The following CSMD3 variants were observed in gnomAD, a reference collection of about 807,000 sequenced individuals.
CSMD3 encodes the protein CUB and Sushi multiple domains 3.
CSMD3 carries 177 observed loss-of-function variants against 435.2 expected under a neutral mutation model. That is an observed-to-expected ratio of 0.41 (90% CI 0.36 to 0.46). The LOEUF (loss-of-function observed/expected upper bound fraction) is 0.46, where lower values mean the gene tolerates loss of function less well. CSMD3 is among the 20% of genes least tolerant of loss of function. The pLI, the probability that CSMD3 is intolerant of heterozygous loss-of-function variation, is 0.34. For synonymous variants in CSMD3, 1,656 were observed against 1,520.5 expected (o/e 1.09, Z -2.07); for missense variants, 4,265 against 4,504.6 (o/e 0.95, Z 1.52).
Position 112,890,850 on chromosome 8 carries a change from T to A in CSMD3, c.1633+30777A>T, listed in dbSNP as rs1022253770. Among the ~76,000 whole-genome samples the A allele has an allele frequency of 3.3e-5, 5 of 151,768 alleles. No homozygotes were observed. In the South Asian group the frequency reaches 1.0e-3, roughly 32 times the overall value. On this transcript the variant is annotated intron_variant, in intron 10 of 70. Coordinates refer to ENST00000297405, the MANE Select transcript of CSMD3 (RefSeq NM_198123.2). ...TGAAGGAGGTGAGAAAGTTATAGTATAAATGGAGCAGTCAGTTAATGTTTT... is the reference window on the plus strand; with the variant it reads ...TGAAGGAGGTGAGAAAGTTATAGTAAAAATGGAGCAGTCAGTTAATGTTTT...
At chr8:112,950,405 A>G (rs2083766475) in intron 8 of CSMD3, among the ~76,000 whole-genome samples, 1 of 152,020 alleles carries the variant, frequency 6.6e-6, no homozygotes, top group Non-Finnish European at 1.5e-5. Flanking sequence ...GTATTATGAC[A>G]TATAACACAG....
At chr8:112,834,879 A>T (rs1287278838) in intron 11 of CSMD3, among the ~76,000 whole-genome samples, 2 of 151,884 alleles carry the variant, frequency 1.3e-5, no homozygotes, top group Non-Finnish European at 2.9e-5. Flanking sequence ...GAGTAAATAA[A>T]CAAAAACATA....
chr8:113,184,202 T>C (rs1025433445), intron 3 of CSMD3, among the ~76,000 whole-genome samples: 24 of 151,980 alleles, frequency 1.6e-4, no homozygotes, highest in African/African-American at 5.8e-4. Flanking sequence ...TTACAGAGCT[T>C]TCATTCCCTC....
intron 3 of CSMD3, among the ~76,000 whole-genome samples, chr8:113,226,135 T>C (rs1017519595): frequency 2.0e-5 from 3 of 151,504 alleles, no homozygotes; most frequent in Non-Finnish European, 4.4e-5. Flanking sequence ...TCTTTATAAA[T>C]TACCCAGCCT....
At chr8:112,517,741 T>G (rs1179456541) in intron 27 of CSMD3, among the ~76,000 whole-genome samples, 1 of 152,178 alleles carries the variant, frequency 6.6e-6, no homozygotes, top group Non-Finnish European at 1.5e-5. Context: ...TTGGCTCAAT[T>G]TTTTAAAAAA....
At chr8:112,413,486 A>G (rs546623624) in intron 32 of CSMD3, among the ~76,000 whole-genome samples, 19 of 152,288 alleles carry the variant, frequency 1.2e-4, no homozygotes, top group African/African-American at 3.8e-4. Flanking sequence ...GCCATCCCAA[A>G]TGTAAATCAA....
chr8:112,798,252 G>C (rs1261743678), intron 13 of CSMD3, among the ~76,000 whole-genome samples: 1 of 151,890 alleles, frequency 6.6e-6, no homozygotes, highest in Non-Finnish European at 1.5e-5. Context: ...GCAGGGTTCA[G>C]AGAGTTATGG....
chr8:113,071,722 G>T (rs975804191), intron 5 of CSMD3, among the ~76,000 whole-genome samples: 15 of 151,666 alleles, frequency 9.9e-5, no homozygotes, highest in African/African-American at 3.4e-4. Context: ...AATATATTTT[G>T]CAATTAGAAA....
intron 17 of CSMD3, among the ~76,000 whole-genome samples, chr8:112,663,397 A>T (rs1266936137): frequency 1.3e-5 from 2 of 149,524 alleles, no homozygotes; most frequent in East Asian, 2.0e-4. Context: ...CAAAAAACCA[A>T]ACACCACATG....
intron 4 of CSMD3, among the ~76,000 whole-genome samples, chr8:113,131,819 T>C (rs1300507394): frequency 6.6e-6 from 1 of 152,204 alleles, no homozygotes; most frequent in African/African-American, 2.4e-5. Context: ...GTGGGGGCTG[T>C]ACCCTGAAGA....
intron 1 of CSMD3, among the ~76,000 whole-genome samples, chr8:113,318,823 T>TGTGTGTGA (rs1563693483): frequency 6.8e-6 from 1 of 147,690 alleles, no homozygotes; most frequent in Non-Finnish European, 1.5e-5. Flanking sequence ...TGTGTGTGTG[T>TGTGTGTGA]AAAATATATT....
chr8:113,009,612 T>C (rs1470120143), intron 6 of CSMD3, among the ~76,000 whole-genome samples: 2 of 151,808 alleles, frequency 1.3e-5, no homozygotes, highest in African/African-American at 2.4e-5. Context: ...TGGAGTCTCA[T>C]GTTAGTTATG....
chr8:112,492,147 G>C (rs1820765786), intron 31 of CSMD3, among the ~76,000 whole-genome samples: 1 of 152,030 alleles, frequency 6.6e-6, no homozygotes. Context: ...CAGTGTGTTT[G>C]TTCCTCATGT....
chr8:113,158,619 A>G (rs1327162035), intron 4 of CSMD3, among the ~76,000 whole-genome samples: 2 of 152,052 alleles, frequency 1.3e-5, no homozygotes, highest in East Asian at 3.9e-4. Context: ...TATAAATGCA[A>G]GCCTAAACTT....
chr8:112,577,271 G>A (rs1357794336), intron 23 of CSMD3, among the ~76,000 whole-genome samples: 1 of 151,956 alleles, frequency 6.6e-6, no homozygotes, highest in African/African-American at 2.4e-5. Context: ...GCAACAAAGG[G>A]AGAAAGCAGT....
At chr8:112,390,247 C>T (rs1465661584) in intron 36 of CSMD3, among the ~76,000 whole-genome samples, 2 of 152,210 alleles carry the variant, frequency 1.3e-5, no homozygotes, top group African/African-American at 2.4e-5. Flanking sequence ...GTTTTAGCTG[C>T]TGGCCATTGC....
intron 17 of CSMD3, among the ~76,000 whole-genome samples, chr8:112,662,310 G>T (rs1021739328): frequency 5.5e-4 from 84 of 152,234 alleles, no homozygotes; most frequent in African/African-American, 2.0e-3. Context: ...GCATGGTACT[G>T]GTACCAAAAC....
intron 4 of CSMD3, among the ~76,000 whole-genome samples, chr8:113,105,015 T>G (rs1287699759): frequency 6.6e-6 from 1 of 152,112 alleles, no homozygotes; most frequent in African/African-American, 2.4e-5. Flanking sequence ...TTTTTAAACA[T>G]ACAGCTTAAA....
At chr8:112,284,206 A>T (rs1367107794) in intron 58 of CSMD3, among the ~76,000 whole-genome samples, 1 of 151,862 alleles carries the variant, frequency 6.6e-6, no homozygotes, top group Non-Finnish European at 1.5e-5. Context: ...TTTGTCAAAA[A>T]TGTTACATTC....
Sources: gnomAD v4.1 joint callset for allele counts (sites outside exome capture counted in the v4.1 genomes callset) on GRCh38, gnomAD v4.1.1 for gene constraint, MANE v1.5 for transcripts, NCBI Gene and HGNC (gene_info 2026-07-23, HGNC 2026-07-21) for gene names.